Variants in STK17B observed in about 807,000 individuals in gnomAD.
The protein encoded by STK17B is serine/threonine-protein kinase 17B.
Under a neutral mutation model 42.0 loss-of-function variants are expected in STK17B, and 21 were observed. That is an observed-to-expected ratio of 0.50 (90% confidence interval 0.35 to 0.72). STK17B has a LOEUF of 0.72. Ranked by LOEUF, STK17B falls within the 30% of genes least tolerant of loss-of-function variation. The probability of loss-of-function intolerance (pLI) is 0.00; values close to 1 mark genes in which losing one functional copy is unlikely to be tolerated. For synonymous variants in STK17B, 143 were observed against 148.4 expected, an observed-to-expected ratio of 0.96 and a Z score of 0.26; for missense variants, 349 against 446.0, an observed-to-expected ratio of 0.78 and a Z score of 1.96.
At chr2:196,175,318 T>C (rs1699988015), upstream of STK17B, among the ~76,000 whole-genome samples, 3 of 152,232 alleles carry the variant, frequency 2.0e-5, no homozygotes, top group South Asian at 6.2e-4. Flanking sequence ...ATTCCTAAGT[T>C]GTTTTGAACA....
chr2:196,169,143 C>G (rs1474996930), intron 1 of STK17B, among the ~76,000 whole-genome samples: 2 of 139,320 alleles, frequency 1.4e-5, no homozygotes, highest in Non-Finnish European at 3.0e-5. Flanking sequence ...GTGGCGTGAT[C>G]TCGGCTCACT....
intron 1 of STK17B, chr2:196,170,919 G>A (rs975721032): frequency 3.9e-5 from 6 of 152,256 alleles, no homozygotes; most frequent in African/African-American, 1.4e-4. Flanking sequence ...GGACTCGGGA[G>A]AGGCTAGGGG....
At chr2:196,141,709 A>C (rs568034541) in intron 5 of STK17B, among the ~76,000 whole-genome samples, 30 of 152,308 alleles carry the variant, frequency 2.0e-4, no homozygotes, top group African/African-American at 7.0e-4. Flanking sequence ...TAGTGATATA[A>C]GACGATAGAA....
intron 1 of STK17B, among the ~76,000 whole-genome samples, chr2:196,164,115 GATA>G (rs1266561946): frequency 6.6e-6 from 1 of 151,866 alleles, no homozygotes; most frequent in Non-Finnish European, 1.5e-5. Context: ...AATACGACAA[GATA>G]ATAATTATTC....
chr2:196,145,625 G>T (rs1237227908), intron 4 of STK17B, among the ~76,000 whole-genome samples: 2 of 152,208 alleles, frequency 1.3e-5, no homozygotes, highest in Admixed American at 1.3e-4. Context: ...GGATGTGGTT[G>T]TAAGAGTGGG....
At chr2:196,143,258 CT>C in intron 5 of STK17B, among the ~76,000 whole-genome samples, 1 of 152,046 alleles carries the variant, frequency 6.6e-6, no homozygotes, top group East Asian at 1.9e-4. Flanking sequence ...CCATTTTTCT[CT>C]TTTTCCCTAA....
chr2:196,163,485 C>T (rs1337275835), intron 1 of STK17B, 58 bp from the exon 2 acceptor site: 4 of 1,243,714 alleles, frequency 3.2e-6, no homozygotes, highest in African/African-American at 1.5e-5. Flanking sequence ...ATGTGCATTA[C>T]ATTACACAGC....
intron 2 of STK17B, among the ~76,000 whole-genome samples, chr2:196,157,919 C>T (rs1007287751): frequency 3.2e-4 from 49 of 152,184 alleles, no homozygotes; most frequent in African/African-American, 1.1e-3. Flanking sequence ...GAAAAATATA[C>T]ACAAGCCCTT....
rs6716498 is a variant in STK17B, at chr2:196,134,412, A to G, written c.*3035T>C. The G allele has an allele frequency of 0.98, 149,868 of 152,268 alleles. 73,796 individuals carry two copies. Among genetic ancestry groups the G allele is most frequent in the East Asian group, 1 (5,176 of 5,176 alleles). The allele number at this position is 152,268 out of a possible 1,614,324, so 9.4% of individuals were successfully genotyped here. On this transcript the variant is annotated 3_prime_UTR_variant, in exon 8 of 8. Coordinates refer to ENST00000263955, the MANE Select transcript of STK17B (RefSeq NM_004226.4). ...AGGAGCTCGAATCCTGCTGTGAACC[A>G]CACGTGCAAGAGATCTAGGTTGCAT...
intron 4 of STK17B, among the ~76,000 whole-genome samples, chr2:196,144,503 A>C (rs1415174928): frequency 3.6e-5 from 5 of 140,028 alleles, no homozygotes; most frequent in African/African-American, 1.5e-4. Flanking sequence ...AAAAAAAAAA[A>C]AAAAAAAAAA....
chr2:196,145,804 G>A (rs956588736), intron 4 of STK17B, 107 bp downstream of exon 4: 8 of 1,164,292 alleles, frequency 6.9e-6, no homozygotes, highest in African/African-American at 4.7e-5. Context: ...CAGTCTAGAA[G>A]ACCAGGAACC....
At chr2:196,159,365 C>CAGTG (rs1282062737) in intron 2 of STK17B, among the ~76,000 whole-genome samples, 18 of 147,890 alleles carry the variant, frequency 1.2e-4, no homozygotes, top group Non-Finnish European at 2.2e-4. Context: ...GGATGGAGTG[C>CAGTG]AGTGGCAGGA....
At chr2:196,138,197 C>T (rs1465041336) in intron 7 of STK17B, among the ~76,000 whole-genome samples, 1 of 152,166 alleles carries the variant, frequency 6.6e-6, no homozygotes, top group Middle Eastern at 3.2e-3. Context: ...ATTTTTTCTA[C>T]ATATATGTGC....
chr2:196,169,538 T>C (rs751427487), intron 1 of STK17B, among the ~76,000 whole-genome samples: 2 of 152,216 alleles, frequency 1.3e-5, no homozygotes, highest in Admixed American at 6.5e-5. Context: ...AATTCTCCCT[T>C]ATAATTATCA....
chr2:196,172,710 G>A (rs369307471), upstream of STK17B, among the ~76,000 whole-genome samples: 24 of 152,270 alleles, frequency 1.6e-4, no homozygotes, highest in East Asian at 3.7e-3. Context: ...CCTCCTCCCA[G>A]GTTAATAATG....
chr2:196,148,786 CCAGAACACTCCACCAA>C (rs1199153418), intron 3 of STK17B, among the ~76,000 whole-genome samples: 1 of 152,152 alleles, frequency 6.6e-6, no homozygotes, highest in Non-Finnish European at 1.5e-5. Context: ...ACTTCAATAA[CCAGAACACTCCACCAA>C]TTCTAAAATT....
At chr2:196,171,214 CG>C (rs1699938139) in intron 1 of STK17B, 118 bp downstream of exon 1, 1 of 152,308 alleles carries the variant, frequency 6.6e-6, no homozygotes, top group African/African-American at 2.4e-5. Flanking sequence ...CCCTCTCAGC[CG>C]GACCGTACCG....
chr2:196,172,940 C>G (rs192915236), upstream of STK17B, among the ~76,000 whole-genome samples: 1 of 152,094 alleles, frequency 6.6e-6, no homozygotes, highest in African/African-American at 2.4e-5. Context: ...GTCTCAGCAC[C>G]AGTACCAAAA....
chr2:196,155,652 T>G (rs1699728667), intron 3 of STK17B, among the ~76,000 whole-genome samples: 1 of 152,192 alleles, frequency 6.6e-6, no homozygotes, highest in Admixed American at 6.5e-5. Context: ...CAAGGTATAC[T>G]AAACATAAAT....
Sources: gnomAD v4.1 joint callset for allele counts (sites outside exome capture counted in the v4.1 genomes callset) on GRCh38, gnomAD v4.1.1 for gene constraint, MANE v1.5 for transcripts, NCBI Gene and HGNC (gene_info 2026-07-23, HGNC 2026-07-21) for gene names.